The following FGD4 variants were observed in gnomAD, a reference collection of about 807,000 sequenced individuals.
The protein encoded by FGD4 is FYVE, RhoGEF and PH domain containing 4.
A neutral mutation model predicts 102.0 loss-of-function variants in FGD4; 42 were observed. The observed-to-expected ratio is 0.41, with a 90% CI of 0.32 to 0.53. The LOEUF (loss-of-function observed/expected upper bound fraction) is 0.53. FGD4 is among the 20% of genes least tolerant of loss of function. FGD4 has a pLI of 0.21. For synonymous variants in FGD4, 380 were observed against 375.7 expected (o/e 1.01, Z -0.13); for missense variants, 902 against 1,078.2 (o/e 0.84, Z 2.29).
intron 1 of FGD4, among the ~76,000 whole-genome samples, chr12:32,493,474 G>C (rs1194294175): frequency 6.6e-6 from 1 of 152,170 alleles, no homozygotes; most frequent in East Asian, 1.9e-4. Context: ...CAGCTCATCA[G>C]GACTAGAAAG....
Position 32,602,299 on chromosome 12 carries a change from A to G in FGD4, c.1386A>G (p.Ser462=). The change falls in exon 7 of 17, where the codon TCA becomes TCG. Residue 462 remains serine, a synonymous_variant. Coordinates refer to ENST00000534526, the MANE Select transcript of FGD4 (RefSeq NM_001370298.3). Reference sequence around the variant, plus strand: ...CAGAACGTATTCCCCAGTTCAAATCAGTGGTTGAAGAAATTCAGGTAATAG... The same window carrying G: ...CAGAACGTATTCCCCAGTTCAAATCGGTGGTTGAAGAAATTCAGGTAATAG... ...NMTERIPQFK[S]VVEEIQKQKI... is the part of the protein sequence containing the mutation. 6.2e-7 allele frequency: 1 copy of G among 1,614,138 alleles called. No homozygotes were observed. The highest frequency in any genetic ancestry group is 1.1e-5 in the South Asian group (1 of 91,076).
At position 32,611,145 on chromosome 12, in the gene FGD4, A is replaced by G. The variant is rs1949110016; in HGVS notation, c.1611A>G (p.Leu537=). The part of the protein sequence containing the change: ...SNSAIRKMEN[L]KKLLEIYEML... ...CTGTTTTAATTTCCTAGGAGAACCTAAAGAAACTCTTAGAGATTTATGAAA... is the reference window on the plus strand; with the variant it reads ...CTGTTTTAATTTCCTAGGAGAACCTGAAGAAACTCTTAGAGATTTATGAAA... Residue 537 remains leucine, a synonymous_variant, in exon 10 of 17, where the codon CTA becomes CTG. Coordinates refer to ENST00000534526, the MANE Select transcript of FGD4 (RefSeq NM_001370298.3). The G allele has an allele frequency of 1.9e-6, 3 of 1,614,036 alleles. No homozygotes were observed. The highest frequency in any genetic ancestry group is 1.7e-5 in the Admixed American group (1 of 60,004).
intron 1 of FGD4, among the ~76,000 whole-genome samples, chr12:32,553,621 T>C (rs1442769438): frequency 6.6e-6 from 1 of 152,210 alleles, no homozygotes; most frequent in African/African-American, 2.4e-5. Flanking sequence ...ATATTGAATA[T>C]CTGTAGTTAT....
intron 1 of FGD4, among the ~76,000 whole-genome samples, chr12:32,524,206 C>A (rs1225929136): frequency 6.6e-6 from 1 of 151,194 alleles, no homozygotes; most frequent in Non-Finnish European, 1.5e-5. Flanking sequence ...ACCATCCTGG[C>A]TAACACGGTG....
At chr12:32,471,984 T>C (rs1565760088) in intron 1 of FGD4, among the ~76,000 whole-genome samples, 1 of 152,190 alleles carries the variant, frequency 6.6e-6, no homozygotes, top group East Asian at 1.9e-4. Context: ...GACCAGAGTG[T>C]GCTCTCTGGC....
At position 32,448,250 on chromosome 12, in the gene FGD4, G is replaced by A. The variant is rs146898337; in HGVS notation, c.166+48291G>A. ...GAAGCAGATCACAGTGCAATATGGTGTTAGAGGTATTAGGATGGATAGATG... is the reference window on the plus strand; with the variant it reads ...GAAGCAGATCACAGTGCAATATGGTATTAGAGGTATTAGGATGGATAGATG... On this transcript the variant is annotated intron_variant, in intron 1 of 16. Coordinates refer to ENST00000534526, the MANE Select transcript of FGD4 (RefSeq NM_001370298.3). Among the ~76,000 whole-genome samples, 296 of 152,280 alleles carry A rather than the reference G, an allele frequency of 1.9e-3. 3 individuals carry two copies. Among genetic ancestry groups the A allele is most frequent in the Non-Finnish European group, 3.3e-3 (222 of 68,026 alleles).
At chr12:32,442,043 GT>G (rs66975190) in intron 1 of FGD4, among the ~76,000 whole-genome samples, 72,467 of 130,850 alleles carry the variant, frequency 0.55, 18,696 homozygotes, top group African/African-American at 0.67. Context: ...GTGTTGTTGT[GT>G]TTTTTTTTTT....
At chr12:32,620,888 C>T (rs1311694548) in intron 11 of FGD4, among the ~76,000 whole-genome samples, 1 of 151,400 alleles carries the variant, frequency 6.6e-6, no homozygotes, top group African/African-American at 2.4e-5. Flanking sequence ...GTCTCGAACT[C>T]CTGACCTCAG....
intron 5 of FGD4, among the ~76,000 whole-genome samples, chr12:32,599,377 CCA>C (rs1491096064): frequency 7.1e-6 from 1 of 140,706 alleles, no homozygotes. Flanking sequence ...GCCTGTAGTC[CCA>C]GCTACTCGGG....
At chr12:32,428,989 G>A (rs915110612) in intron 1 of FGD4, among the ~76,000 whole-genome samples, 5 of 152,108 alleles carry the variant, frequency 3.3e-5, no homozygotes, top group Non-Finnish European at 5.9e-5. Context: ...TTAGCTCAGA[G>A]GAGTTTTTTA....
intron 1 of FGD4, among the ~76,000 whole-genome samples, chr12:32,445,939 G>C (rs547758412): frequency 8.5e-5 from 13 of 152,286 alleles, no homozygotes; most frequent in Admixed American, 2.0e-4. Context: ...GGCCAAGGTG[G>C]GCAGATTGTT....
rs747345889 is a variant in FGD4 at position 32,534,437 on chromosome 12, CT to C, written c.167-29695del. The C allele has an allele frequency of 2.5e-5, 38 of 1,525,842 alleles. No individual in the cohort carries two copies. In the African/African-American group the frequency reaches 5.0e-4, roughly 20 times the overall value. 94.5% of individuals were successfully genotyped at this position (1,525,842 alleles called of 1,614,324 possible). ...ACTTTAAAAGAGTAAAGCCAAATAT[CT>C]TTTTATTAAACCAGAGTAGATTAAT... On this transcript the variant is annotated intron_variant, in intron 1 of 16. Transcript: ENST00000534526.
chr12:32,529,859 T>TAA (rs993096878), intron 1 of FGD4, among the ~76,000 whole-genome samples: 10 of 145,712 alleles, frequency 6.9e-5, no homozygotes, highest in African/African-American at 1.7e-4. Flanking sequence ...AAAAAAAATT[T>TAA]AAAAAAAAAA....
chr12:32,478,969 G>A (rs924698271), intron 1 of FGD4, among the ~76,000 whole-genome samples: 15 of 152,160 alleles, frequency 9.9e-5, no homozygotes, highest in African/African-American at 3.6e-4. Context: ...CACACTGTTG[G>A]TTTCTAGAGA....
intron 1 of FGD4, among the ~76,000 whole-genome samples, chr12:32,474,207 T>A (rs1250219111): frequency 6.6e-6 from 1 of 152,134 alleles, no homozygotes; most frequent in East Asian, 1.9e-4. Flanking sequence ...TCTTTGAAGG[T>A]TAAACATAGA....
intron 1 of FGD4, among the ~76,000 whole-genome samples, chr12:32,517,251 G>A (rs1939985392): frequency 6.6e-6 from 1 of 152,146 alleles, no homozygotes; most frequent in African/African-American, 2.4e-5. Context: ...GGCGTCACAG[G>A]TGGATGATAC....
At chr12:32,539,780 T>C (rs1039200502) in intron 1 of FGD4, among the ~76,000 whole-genome samples, 4 of 152,190 alleles carry the variant, frequency 2.6e-5, no homozygotes, top group Non-Finnish European at 4.4e-5. Flanking sequence ...TTTGATAATA[T>C]ACTTGATCTG....
Position 32,502,246 on chromosome 12 carries a change from C to T in FGD4, c.167-61891C>T, listed in dbSNP as rs1938279490. 12 of 985,416 alleles carry T rather than the reference C, an allele frequency of 1.2e-5. 1 individual carries two copies. In the South Asian group the frequency reaches 5.6e-4, roughly 46 times the overall value. The allele number at this position is 985,416 out of a possible 1,614,324, so 61.0% of individuals were successfully genotyped here. On this transcript the variant is annotated intron_variant, in intron 1 of 16. Coordinates refer to ENST00000534526, the MANE Select transcript of FGD4 (RefSeq NM_001370298.3). Reference sequence around the variant, plus strand: ...TGCAATGGACCGGGTTAATGGGAGGCTTGCTTTGGCTCGCTGGAAGAACAA... The same window carrying T: ...TGCAATGGACCGGGTTAATGGGAGGTTTGCTTTGGCTCGCTGGAAGAACAA...
At chr12:32,564,581 C>T (rs895040723) in intron 2 of FGD4, among the ~76,000 whole-genome samples, 4 of 152,128 alleles carry the variant, frequency 2.6e-5, no homozygotes, top group African/African-American at 9.7e-5. Context: ...AGTACAGGGA[C>T]TTACTGTCTG....
Sources: allele counts gnomAD v4.1 joint callset (sites outside exome capture counted in the v4.1 genomes callset), GRCh38; gene constraint gnomAD v4.1.1; transcripts MANE v1.5; gene names NCBI Gene and HGNC (gene_info 2026-07-23, HGNC 2026-07-21).